The following CHD6 variants were observed in gnomAD, a reference collection of about 807,000 sequenced individuals.
CHD6 encodes ATP-dependent chromatin remodeler CHD6.
A neutral mutation model predicts 276.9 loss-of-function variants in CHD6; 50 were observed. The ratio of observed to expected loss-of-function variants is 0.18; its 90% confidence interval spans 0.14 to 0.23. CHD6 has a LOEUF of 0.23. CHD6 is among the 10% of genes least tolerant of loss of function. The pLI is 1.00. For synonymous variants in CHD6, 1,173 were observed against 1,229.3 expected, an observed-to-expected ratio of 0.95 and a Z score of 0.96; for missense variants, 2,564 against 3,365.8, an observed-to-expected ratio of 0.76 and a Z score of 5.89.
chr20:41,531,337 CT>C (rs1475156720), intron 3 of CHD6, among the ~76,000 whole-genome samples: 1 of 152,100 alleles, frequency 6.6e-6, no homozygotes, highest in African/African-American at 2.4e-5. Context: ...TTATTATTCT[CT>C]GTAATAATAA....
chr20:41,499,623 C>T (rs1027947395), intron 5 of CHD6, among the ~76,000 whole-genome samples: 1 of 152,106 alleles, frequency 6.6e-6, no homozygotes, highest in Non-Finnish European at 1.5e-5. Flanking sequence ...ATTTAACATA[C>T]CTAAAATTGG....
intron 16 of CHD6, among the ~76,000 whole-genome samples, chr20:41,481,679 C>T (rs1241102477): frequency 6.6e-6 from 1 of 151,866 alleles, no homozygotes; most frequent in African/African-American, 2.4e-5. Flanking sequence ...AAAATGTGCA[C>T]TGACATTTAT....
chr20:41,497,649 T>C, intron 7 of CHD6, 148 bp from the exon 8 acceptor site: 2 of 681,944 alleles, frequency 2.9e-6, no homozygotes, highest in Non-Finnish European at 2.7e-6. Flanking sequence ...TAGAAAGACC[T>C]TCCCCTTAAG....
At chr20:41,575,517 A>G (rs1311180820) in intron 1 of CHD6, among the ~76,000 whole-genome samples, 1 of 152,228 alleles carries the variant, frequency 6.6e-6, no homozygotes, top group Non-Finnish European at 1.5e-5. Context: ...TGCATACTTA[A>G]GAGACTGGTG....
rs1283397543 is a variant in CHD6 at position 41,422,082 on chromosome 20, G to A, written c.4556-3C>T. The A allele has an allele frequency of 6.3e-7, 1 of 1,597,442 alleles. No individual in the cohort carries two copies. Among genetic ancestry groups the A allele is most frequent in the Non-Finnish European group, 8.5e-7 (1 of 1,169,906 alleles). Reference sequence around the variant, plus strand: ...GTAGATGGTGGTATCTGGGGGACCTGGAGAGAAAGGGAAATAAAGCCTATC... The same window carrying A: ...GTAGATGGTGGTATCTGGGGGACCTAGAGAGAAAGGGAAATAAAGCCTATC... On this transcript the variant is annotated splice_polypyrimidine_tract_variant and splice_region_variant and intron_variant, in intron 30 of 36. Coordinates refer to ENST00000373233, the MANE Select transcript of CHD6 (RefSeq NM_032221.5).
At chr20:41,448,300 G>A (rs1262661739) in intron 23 of CHD6, among the ~76,000 whole-genome samples, 1 of 152,192 alleles carries the variant, frequency 6.6e-6, no homozygotes, top group East Asian at 1.9e-4. Context: ...GGTGGCTTCC[G>A]AGAGGCCAGC....
intron 36 of CHD6, among the ~76,000 whole-genome samples, chr20:41,406,685 G>C (rs2046686042): frequency 6.6e-6 from 1 of 152,182 alleles, no homozygotes; most frequent in South Asian, 2.1e-4. Context: ...CCACAGATGG[G>C]AAGCGATTTC....
chr20:41,467,910 T>C (rs1381414914), intron 17 of CHD6, among the ~76,000 whole-genome samples: 2 of 152,092 alleles, frequency 1.3e-5, no homozygotes, highest in African/African-American at 4.8e-5. Flanking sequence ...AATAAGTGCC[T>C]GTCCCATCCT....
At chr20:41,488,808 C>T (rs953297617) in intron 12 of CHD6, among the ~76,000 whole-genome samples, 4 of 152,136 alleles carry the variant, frequency 2.6e-5, no homozygotes, top group South Asian at 2.1e-4. Flanking sequence ...GAAACAGAAG[C>T]GAGACAACAT....
chr20:41,588,816 C>T (rs572816037), intron 1 of CHD6, among the ~76,000 whole-genome samples: 1 of 152,118 alleles, frequency 6.6e-6, no homozygotes. Flanking sequence ...CCCTTTCTCC[C>T]CTTATAGGAT....
chr20:41,409,035 T>A (rs768863248), intron 36 of CHD6, among the ~76,000 whole-genome samples: 8 of 152,244 alleles, frequency 5.3e-5, no homozygotes, highest in Non-Finnish European at 1.2e-4. Flanking sequence ...TGGTGGGTCC[T>A]TTCAGAAATG....
chr20:41,521,600 T>TGC (rs150494248), intron 3 of CHD6, among the ~76,000 whole-genome samples: 3,883 of 152,276 alleles, frequency 0.025, 62 homozygotes, highest in Middle Eastern at 0.051. Flanking sequence ...TATTCATATG[T>TGC]GCGCGTTTGT....
chr20:41,517,217 G>A (rs916858273), intron 3 of CHD6, among the ~76,000 whole-genome samples: 2 of 152,284 alleles, frequency 1.3e-5, no homozygotes, highest in African/African-American at 4.8e-5. Flanking sequence ...TTACAAGTGG[G>A]AGCTAAATGA....
intron 11 of CHD6, among the ~76,000 whole-genome samples, chr20:41,491,325 AATATAT>A (rs531194020): frequency 7.3e-4 from 108 of 147,088 alleles, no homozygotes; most frequent in African/African-American, 2.5e-3. Flanking sequence ...TATTCCTATA[AATATAT>A]ATATATATTT....
At chr20:41,570,714 G>A (rs965915280) in intron 1 of CHD6, among the ~76,000 whole-genome samples, 3 of 152,204 alleles carry the variant, frequency 2.0e-5, no homozygotes, top group Admixed American at 6.5e-5. Context: ...TGTATACTGG[G>A]AGATATCAAG....
At chr20:41,430,349 G>A (rs997267640) in intron 27 of CHD6, among the ~76,000 whole-genome samples, 15 of 152,108 alleles carry the variant, frequency 9.9e-5, no homozygotes, top group African/African-American at 3.1e-4. Flanking sequence ...ATATAAGAGC[G>A]CTTAAGTTAT....
chr20:41,501,370 T>C (rs1286605836), intron 5 of CHD6, among the ~76,000 whole-genome samples: 1 of 152,150 alleles, frequency 6.6e-6, no homozygotes, highest in African/African-American at 2.4e-5. Context: ...CAAGATCAAG[T>C]TTATATAATT....
intron 2 of CHD6, among the ~76,000 whole-genome samples, chr20:41,550,352 A>AT (rs1311988271): frequency 6.6e-6 from 1 of 152,250 alleles, no homozygotes; most frequent in Middle Eastern, 3.2e-3. Flanking sequence ...TAGGACAGAT[A>AT]TAAATCCAGT....
At chr20:41,562,422 A>G (rs2045311025) in intron 1 of CHD6, among the ~76,000 whole-genome samples, 1 of 152,164 alleles carries the variant, frequency 6.6e-6, no homozygotes. Context: ...AGGATTTCTC[A>G]TATATTCAAG....
Sources: gnomAD v4.1 joint callset for allele counts (sites outside exome capture counted in the v4.1 genomes callset) on GRCh38, gnomAD v4.1.1 for gene constraint, MANE v1.5 for transcripts, NCBI Gene and HGNC (gene_info 2026-07-23, HGNC 2026-07-21) for gene names.